Variants in SHISA6 observed in about 807,000 individuals in gnomAD.
The protein encoded by SHISA6 is protein shisa-6.
A neutral mutation model predicts 47.9 loss-of-function variants in SHISA6; 22 were observed. That is an observed-to-expected ratio of 0.46 (90% CI 0.33 to 0.66). The LOEUF (loss-of-function observed/expected upper bound fraction) is 0.66. SHISA6 is among the 30% of genes least tolerant of loss of function. The pLI is 0.02. For missense variants in SHISA6, 680 were observed against 764.6 expected, an observed-to-expected ratio of 0.89 and a Z score of 1.30; for synonymous variants, 388 against 337.8, an observed-to-expected ratio of 1.15 and a Z score of -1.63.
chr17:11,250,823 A>G (rs146180182), intron 1 of SHISA6, among the ~76,000 whole-genome samples: 5 of 152,060 alleles, frequency 3.3e-5, no homozygotes, highest in East Asian at 3.9e-4. Flanking sequence ...CACTCATGCA[A>G]GCCCACAAGC....
At chr17:11,528,915 G>A (rs143096877) in intron 3 of SHISA6, among the ~76,000 whole-genome samples, 21 of 152,248 alleles carry the variant, frequency 1.4e-4, no homozygotes, top group African/African-American at 4.1e-4. Context: ...TTAAATGGCC[G>A]GGCGTGGTGA....
intron 2 of SHISA6, among the ~76,000 whole-genome samples, chr17:11,341,819 C>G (rs1911541168): frequency 6.6e-6 from 1 of 152,192 alleles, no homozygotes; most frequent in Admixed American, 6.5e-5. Flanking sequence ...TGCCCATAGA[C>G]TGCACTTTGA....
chr17:11,439,186 A>G (rs1308187458), intron 3 of SHISA6, among the ~76,000 whole-genome samples: 1 of 152,188 alleles, frequency 6.6e-6, no homozygotes, highest in Admixed American at 6.5e-5. Context: ...AAATCCTTCA[A>G]AGAAGAAAGG....
At chr17:11,262,644 T>G (rs555769186) in intron 1 of SHISA6, among the ~76,000 whole-genome samples, 1 of 152,296 alleles carries the variant, frequency 6.6e-6, no homozygotes, top group South Asian at 2.1e-4. Context: ...AGGCGCTGAG[T>G]TAACAAAAGC....
At chr17:11,543,709 TATC>T (rs1206197690) in intron 3 of SHISA6, among the ~76,000 whole-genome samples, 1 of 151,894 alleles carries the variant, frequency 6.6e-6, no homozygotes, top group Non-Finnish European at 1.5e-5. Context: ...TTTCAAGAAA[TATC>T]ATATAGCAAC....
chr17:11,380,826 C>T (rs1006885079), intron 3 of SHISA6, among the ~76,000 whole-genome samples: 4 of 152,122 alleles, frequency 2.6e-5, no homozygotes, highest in African/African-American at 7.2e-5. Flanking sequence ...GCCTCCAAGA[C>T]GCTTCACTCA....
At chr17:11,404,232 C>A (rs1913871626) in intron 3 of SHISA6, among the ~76,000 whole-genome samples, 1 of 152,160 alleles carries the variant, frequency 6.6e-6, no homozygotes, top group Admixed American at 6.5e-5. Context: ...TTTATTTATT[C>A]ATTCGTTCAA....
chr17:11,361,311 C>T (rs1912275661), intron 2 of SHISA6, among the ~76,000 whole-genome samples: 1 of 152,120 alleles, frequency 6.6e-6, no homozygotes, highest in Non-Finnish European at 1.5e-5. Context: ...TTTACACTTT[C>T]ACAATATCTA....
chr17:11,379,644 G>C (rs1912943936), intron 3 of SHISA6, 135 bp downstream of exon 3: 2 of 583,358 alleles, frequency 3.4e-6, no homozygotes, highest in Non-Finnish European at 2.9e-6. Context: ...AGCTTGTCCT[G>C]GTGACATGCG....
intron 3 of SHISA6, among the ~76,000 whole-genome samples, chr17:11,450,932 C>G (rs1408437279): frequency 6.8e-6 from 1 of 146,470 alleles, no homozygotes; most frequent in Non-Finnish European, 1.5e-5. Context: ...ATGTTGAAAA[C>G]ATTATTTTTT....
intron 3 of SHISA6, among the ~76,000 whole-genome samples, chr17:11,445,822 T>C (rs971546581): frequency 6.6e-5 from 10 of 152,136 alleles, no homozygotes; most frequent in African/African-American, 1.7e-4. Context: ...AGGCTTTTCT[T>C]TTCCTTTCTT....
chr17:11,302,947 C>T (rs2142178987), intron 2 of SHISA6, among the ~76,000 whole-genome samples: 1 of 152,276 alleles, frequency 6.6e-6, no homozygotes, highest in Non-Finnish European at 1.5e-5. Context: ...TCATTGAAGG[C>T]TGATGGCTTT....
intron 2 of SHISA6, among the ~76,000 whole-genome samples, chr17:11,309,220 C>T (rs1910235824): frequency 6.6e-6 from 1 of 152,228 alleles, no homozygotes; most frequent in Non-Finnish European, 1.5e-5. Flanking sequence ...CTGCCTCAGC[C>T]TCCCAAGTAG....
chr17:11,410,943 A>C (rs1914096126), intron 3 of SHISA6, among the ~76,000 whole-genome samples: 1 of 152,076 alleles, frequency 6.6e-6, no homozygotes, highest in South Asian at 2.1e-4. Flanking sequence ...ACAGAAACTC[A>C]ATTCTGTCTA....
intron 2 of SHISA6, among the ~76,000 whole-genome samples, chr17:11,282,190 A>AGTGC (rs1482389251): frequency 1.9e-4 from 29 of 152,174 alleles, no homozygotes; most frequent in Admixed American, 1.8e-3. Context: ...ACTTAACCTA[A>AGTGC]GTGCGTCTGC....
At chr17:11,362,254 C>T (rs904923163) in intron 2 of SHISA6, among the ~76,000 whole-genome samples, 1 of 152,050 alleles carries the variant, frequency 6.6e-6, no homozygotes, top group Non-Finnish European at 1.5e-5. Context: ...ATCCTCCTGC[C>T]CAAGCCTCCT....
chr17:11,429,387 G>A (rs1456154305), intron 3 of SHISA6, among the ~76,000 whole-genome samples: 1 of 152,090 alleles, frequency 6.6e-6, no homozygotes, highest in Admixed American at 6.6e-5. Context: ...TTTCACACAG[G>A]TGTTAATGTT....
intron 2 of SHISA6, among the ~76,000 whole-genome samples, chr17:11,316,345 T>TG (rs1483876292): frequency 2.0e-5 from 3 of 150,252 alleles, no homozygotes; most frequent in Non-Finnish European, 4.4e-5. Flanking sequence ...TTTTTTTTTT[T>TG]TGTATTCAAT....
intron 2 of SHISA6, among the ~76,000 whole-genome samples, chr17:11,269,086 G>A (rs563379536): frequency 1.6e-4 from 24 of 151,524 alleles, no homozygotes; most frequent in Non-Finnish European, 3.2e-4. Context: ...CTGTCGCCCA[G>A]GCTGGAGTGC....
Sources: gnomAD v4.1 joint callset for allele counts (sites outside exome capture counted in the v4.1 genomes callset) on GRCh38, gnomAD v4.1.1 for gene constraint, MANE v1.5 for transcripts, NCBI Gene and HGNC (gene_info 2026-07-23, HGNC 2026-07-21) for gene names.